Variants in DOCK2 observed in about 807,000 individuals in gnomAD.
DOCK2 encodes the protein dedicator of cytokinesis 2.
DOCK2 carries 87 observed loss-of-function variants against 248.9 expected under a neutral mutation model. The ratio of observed to expected loss-of-function variants is 0.35; its 90% CI spans 0.29 to 0.42. The LOEUF (loss-of-function observed/expected upper bound fraction) is 0.42, where lower values mean the gene tolerates loss of function less well. DOCK2 is among the 10% of genes least tolerant of loss of function. The probability of loss-of-function intolerance (pLI) is 1.00; values close to 1 mark genes in which losing one functional copy is unlikely to be tolerated. For synonymous variants in DOCK2, 805 were observed against 821.6 expected, an observed-to-expected ratio of 0.98 and a Z score of 0.35; for missense variants, 1,747 against 2,300.2, an observed-to-expected ratio of 0.76 and a Z score of 4.92.
chr5:169,784,953 G>A (rs1765905260), intron 25 of DOCK2, among the ~76,000 whole-genome samples: 1 of 152,170 alleles, frequency 6.6e-6, no homozygotes, highest in African/African-American at 2.4e-5. Flanking sequence ...GAAAATACTT[G>A]ACTGGATTTT....
At chr5:169,655,574 A>G (rs914961097) in intron 2 of DOCK2, among the ~76,000 whole-genome samples, 47 of 152,214 alleles carry the variant, frequency 3.1e-4, no homozygotes, top group Admixed American at 3.1e-3. Flanking sequence ...CACAACCCAC[A>G]GGACAGGCAG....
At chr5:169,648,708 A>G (rs985423149) in intron 1 of DOCK2, among the ~76,000 whole-genome samples, 2 of 152,220 alleles carry the variant, frequency 1.3e-5, no homozygotes, top group Non-Finnish European at 2.9e-5. Context: ...AACAGAGACG[A>G]TAATAATCAC....
intron 38 of DOCK2, among the ~76,000 whole-genome samples, chr5:170,042,534 G>C (rs945738558): frequency 6.6e-6 from 1 of 152,164 alleles, no homozygotes; most frequent in Non-Finnish European, 1.5e-5. Context: ...CTGTGCCCTG[G>C]CTGCCTCTCT....
chr5:169,939,060 C>T (rs1442143317), intron 27 of DOCK2, among the ~76,000 whole-genome samples: 6 of 151,782 alleles, frequency 4.0e-5, no homozygotes, highest in African/African-American at 7.2e-5. Context: ...TGCACCACCA[C>T]GCCCTGCTAA....
At chr5:169,671,013 T>A in intron 4 of DOCK2, 65 bp from the exon 5 acceptor site, 1 of 1,417,590 alleles carries the variant, frequency 7.1e-7, no homozygotes, top group Non-Finnish European at 9.9e-7. Context: ...GCAAATTTGT[T>A]GGTGTTTTAT....
At position 169,883,526 on chromosome 5, in the gene DOCK2, G is replaced by C. The variant is rs982679713; in HGVS notation, c.2799+42674G>C. ...TGGATGGCACTTTGGGAGGCTGTTG[G>C]CATTTCCACCAGGGACTTACTGGCT... On this transcript the variant is annotated intron_variant, in intron 27 of 51. Coordinates refer to ENST00000520908, the MANE Select transcript of DOCK2 (RefSeq NM_004946.3). 1.9e-6 allele frequency: 3 copies of C among 1,551,512 alleles called. No individual in the cohort carries two copies. The highest frequency in any genetic ancestry group is 2.7e-5 in the African/African-American group (2 of 73,036).
intron 6 of DOCK2, among the ~76,000 whole-genome samples, chr5:169,679,362 A>G (rs79934913): frequency 0.11 from 17,285 of 152,138 alleles, 1,209 homozygotes; most frequent in South Asian, 0.18. Context: ...CTGCTCCCCA[A>G]AATTCATGGT....
chr5:170,008,951 C>G (rs922266809), intron 32 of DOCK2, among the ~76,000 whole-genome samples: 1 of 151,946 alleles, frequency 6.6e-6, no homozygotes, highest in African/African-American at 2.4e-5. Context: ...CCCAGCCCTG[C>G]AAGCAGCTGT....
intron 25 of DOCK2, among the ~76,000 whole-genome samples, chr5:169,795,708 G>A (rs1766606882): frequency 6.6e-6 from 1 of 152,202 alleles, no homozygotes; most frequent in Non-Finnish European, 1.5e-5. Flanking sequence ...CTCCCTTTGT[G>A]TCCAGTTGAT....
At chr5:169,993,297 T>C (rs1014865269) in intron 29 of DOCK2, among the ~76,000 whole-genome samples, 5 of 152,172 alleles carry the variant, frequency 3.3e-5, no homozygotes, top group Non-Finnish European at 1.5e-5. Flanking sequence ...TATTTCTGTT[T>C]TTGTATGGTG....
At chr5:169,682,275 T>A (rs1399715679) in intron 7 of DOCK2, among the ~76,000 whole-genome samples, 1 of 152,264 alleles carries the variant, frequency 6.6e-6, no homozygotes, top group Non-Finnish European at 1.5e-5. Flanking sequence ...GAGAGGCTTC[T>A]CTCAAGAGTG....
At chr5:169,839,259 G>C (rs935512372) in intron 26 of DOCK2, among the ~76,000 whole-genome samples, 43 of 152,096 alleles carry the variant, frequency 2.8e-4, no homozygotes, top group African/African-American at 9.7e-4. Context: ...TGACGCTCAG[G>C]CTCTGTTTCA....
intron 22 of DOCK2, among the ~76,000 whole-genome samples, chr5:169,739,750 G>A (rs575747790): frequency 4.6e-5 from 7 of 152,262 alleles, no homozygotes; most frequent in East Asian, 1.9e-4. Context: ...GATAAAAGAA[G>A]TGGTCAAAAT....
intron 10 of DOCK2, among the ~76,000 whole-genome samples, chr5:169,696,590 G>A (rs571037598): frequency 4.0e-4 from 61 of 152,270 alleles, no homozygotes; most frequent in African/African-American, 1.1e-3. Context: ...CATCAAAGGC[G>A]ATTTAAATTC....
chr5:169,834,872 C>T (rs1215442759), intron 26 of DOCK2, among the ~76,000 whole-genome samples: 2 of 152,112 alleles, frequency 1.3e-5, no homozygotes, highest in East Asian at 1.9e-4. Flanking sequence ...CAAACAGAAG[C>T]AAATCTACTT....
intron 35 of DOCK2, among the ~76,000 whole-genome samples, chr5:170,035,405 T>TCAA (rs1346762730): frequency 6.6e-6 from 1 of 152,182 alleles, no homozygotes; most frequent in East Asian, 1.9e-4. Context: ...ACTTTTTTTT[T>TCAA]CAACAGCCTA....
At chr5:169,778,114 G>C (rs1765485248) in intron 25 of DOCK2, among the ~76,000 whole-genome samples, 1 of 152,200 alleles carries the variant, frequency 6.6e-6, no homozygotes, top group Non-Finnish European at 1.5e-5. Flanking sequence ...AGTGCTCCTG[G>C]ATGGTGGGAA....
intron 39 of DOCK2, 22 bp downstream of exon 39, chr5:170,045,927 C>A: frequency 7.4e-6 from 12 of 1,611,724 alleles, no homozygotes; most frequent in Non-Finnish European, 1.0e-5. Flanking sequence ...CCTGGGAAGG[C>A]TGAATGCCCT....
intron 27 of DOCK2, among the ~76,000 whole-genome samples, chr5:169,859,278 GA>G (rs1210728893): frequency 1.1e-4 from 16 of 152,254 alleles, no homozygotes; most frequent in Admixed American, 2.0e-4. Context: ...AAAACCTCAG[GA>G]GTAGGGGTGG....
Sources: gnomAD v4.1 joint callset for allele counts (sites outside exome capture counted in the v4.1 genomes callset) on GRCh38, gnomAD v4.1.1 for gene constraint, MANE v1.5 for transcripts, NCBI Gene and HGNC (gene_info 2026-07-23, HGNC 2026-07-21) for gene names.